PRKN: variants seen among roughly 807,000 people sequenced by gnomAD.
PRKN encodes parkin RBR E3 ubiquitin protein ligase.
A neutral mutation model predicts 59.5 loss-of-function variants in PRKN; 56 were observed. The ratio of observed to expected loss-of-function variants is 0.94; its 90% CI spans 0.76 to 1.18. PRKN has a LOEUF of 1.18. Among genes scored for constraint, PRKN ranks in the 50% most tolerant of loss-of-function variants. The pLI is 0.00. For synonymous variants in PRKN, 250 were observed against 222.1 expected (o/e 1.13, Z -1.12); for missense variants, 657 against 596.4 (o/e 1.10, Z -1.06).
chr6:162,263,569 CTT>C (rs1045319321), intron 2 of PRKN, among the ~76,000 whole-genome samples: 34 of 152,136 alleles, frequency 2.2e-4, no homozygotes, highest in Admixed American at 2.2e-3. Flanking sequence ...GAACAGAAGA[CTT>C]TAACATTTTG....
chr6:162,539,071 G>A (rs915872150), intron 1 of PRKN, among the ~76,000 whole-genome samples: 2 of 152,134 alleles, frequency 1.3e-5, no homozygotes, highest in South Asian at 4.1e-4. Context: ...CTAAACAGGA[G>A]CATCAGTAAA....
At chr6:161,827,748 TC>T (rs1792307218) in intron 6 of PRKN, among the ~76,000 whole-genome samples, 1 of 152,158 alleles carries the variant, frequency 6.6e-6, no homozygotes, top group Non-Finnish European at 1.5e-5. Context: ...CCTTAGGTGA[TC>T]CACCCACCTT....
chr6:162,542,701 A>T (rs1778971222), intron 1 of PRKN, among the ~76,000 whole-genome samples: 1 of 152,188 alleles, frequency 6.6e-6, no homozygotes, highest in Non-Finnish European at 1.5e-5. Flanking sequence ...GTGAGAAAAT[A>T]AGTGCAATGC....
At chr6:162,209,321 G>C (rs974426127) in intron 3 of PRKN, among the ~76,000 whole-genome samples, 1 of 152,132 alleles carries the variant, frequency 6.6e-6, no homozygotes, top group Non-Finnish European at 1.5e-5. Flanking sequence ...CCATAGAACA[G>C]ACAGCTATGC....
At chr6:162,648,495 C>T (rs753934159) in intron 1 of PRKN, among the ~76,000 whole-genome samples, 2 of 151,892 alleles carry the variant, frequency 1.3e-5, no homozygotes, top group Admixed American at 6.6e-5. Flanking sequence ...GATTCTCCTG[C>T]CTCAGCCTCC....
intron 7 of PRKN, among the ~76,000 whole-genome samples, chr6:161,729,484 T>C (rs1441657911): frequency 6.6e-6 from 1 of 152,224 alleles, no homozygotes; most frequent in African/African-American, 2.4e-5. Flanking sequence ...TGTCTTCAGG[T>C]AGAGGAATAA....
At chr6:162,604,908 C>T (rs1781850213) in intron 1 of PRKN, among the ~76,000 whole-genome samples, 1 of 152,116 alleles carries the variant, frequency 6.6e-6, no homozygotes, top group East Asian at 1.9e-4. Context: ...ACCCAGGCAG[C>T]ACTTCACTTC....
chr6:162,557,546 C>G (rs1393336876), intron 1 of PRKN, among the ~76,000 whole-genome samples: 1 of 152,174 alleles, frequency 6.6e-6, no homozygotes, highest in African/African-American at 2.4e-5. Context: ...TAGAGTCTTG[C>G]TCTGTCTCCC....
At chr6:162,039,482 T>C (rs529336887) in intron 5 of PRKN, among the ~76,000 whole-genome samples, 133 of 152,240 alleles carry the variant, frequency 8.7e-4, no homozygotes, top group African/African-American at 3.2e-3. Context: ...TGAGAACTGG[T>C]TGTTGAAAGG....
intron 4 of PRKN, among the ~76,000 whole-genome samples, chr6:162,198,528 C>A (rs1448868175): frequency 6.6e-6 from 1 of 151,772 alleles, no homozygotes; most frequent in Admixed American, 6.6e-5. Flanking sequence ...TTTTACATTT[C>A]TAAATATTTA....
At chr6:162,372,581 A>T (rs893581236) in intron 2 of PRKN, among the ~76,000 whole-genome samples, 3 of 152,112 alleles carry the variant, frequency 2.0e-5, no homozygotes, top group African/African-American at 7.2e-5. Flanking sequence ...GGGAGGAGGG[A>T]GGGTTGAAAA....
In PRKN at chr6:161,938,633, C is replaced by T. The variant is rs148508627; in HGVS notation, c.734+34669G>A. Among the ~76,000 whole-genome samples the T allele has an allele frequency of 3.9e-3, 589 of 152,204 alleles. 4 individuals are homozygous for T. Among genetic ancestry groups the T allele is most frequent in the African/African-American group, 0.014 (564 of 41,528 alleles). ...GAAAGTAAGAAGAAATTTTGAAGGA[C>T]GTTGAAACGAAAGAAACAAGATGAG... On this transcript the variant is annotated intron_variant, in intron 6 of 11. Coordinates refer to ENST00000366898, the MANE Select transcript of PRKN (RefSeq NM_004562.3).
At chr6:161,704,302 C>T (rs1047332935) in intron 7 of PRKN, among the ~76,000 whole-genome samples, 3 of 152,122 alleles carry the variant, frequency 2.0e-5, no homozygotes, top group Non-Finnish European at 4.4e-5. Context: ...ATTTTCCCCC[C>T]ATGAATCAGA....
At chr6:161,443,599 T>C (rs9458258) in intron 9 of PRKN, among the ~76,000 whole-genome samples, 1 of 152,036 alleles carries the variant, frequency 6.6e-6, no homozygotes, top group Non-Finnish European at 1.5e-5. Context: ...AAATTATTAA[T>C]GGTAAATAGA....
At chr6:162,672,105 T>A (rs553964134) in intron 1 of PRKN, among the ~76,000 whole-genome samples, 3 of 152,132 alleles carry the variant, frequency 2.0e-5, no homozygotes, top group Admixed American at 2.0e-4. Context: ...CCAGATAATA[T>A]AGAATTAACC....
chr6:162,320,072 T>C (rs1782925271), intron 2 of PRKN, among the ~76,000 whole-genome samples: 1 of 151,894 alleles, frequency 6.6e-6, no homozygotes, highest in Non-Finnish European at 1.5e-5. Flanking sequence ...TATTTGTCTT[T>C]CTCTATCTGA....
intron 1 of PRKN, among the ~76,000 whole-genome samples, chr6:162,627,536 C>T (rs1782943707): frequency 6.6e-6 from 1 of 151,850 alleles, no homozygotes; most frequent in African/African-American, 2.4e-5. Context: ...AGGAAGGTAA[C>T]TGGAGTTGGA....
chr6:161,563,898 G>T (rs1472291415), intron 8 of PRKN, among the ~76,000 whole-genome samples: 1 of 152,120 alleles, frequency 6.6e-6, no homozygotes, highest in Non-Finnish European at 1.5e-5. Flanking sequence ...AATATAAACA[G>T]CATTTAAAAT....
rs6937830 is a variant in PRKN at position 162,365,014 on chromosome 6, A to T, written c.171+78296T>A. ...TTTTTTTGCCAATATGTAGTGTGGGATTTTCTTTGGCTAAAAACTGTTCCA... is the reference window on the plus strand; with the variant it reads ...TTTTTTTGCCAATATGTAGTGTGGGTTTTTCTTTGGCTAAAAACTGTTCCA... On this transcript the variant is annotated intron_variant, in intron 2 of 11. Coordinates refer to ENST00000366898, the MANE Select transcript of PRKN (RefSeq NM_004562.3). 9.2e-3 allele frequency among the ~76,000 whole-genome samples: 1,075 copies of T among 116,246 alleles called. 4 individuals carry two copies. The highest frequency in any genetic ancestry group is 0.025 in the African/African-American group (758 of 30,018). 76.3% of individuals were successfully genotyped at this position (116,246 alleles called of 152,430 possible).
Sources: allele counts gnomAD v4.1 joint callset (sites outside exome capture counted in the v4.1 genomes callset), GRCh38; gene constraint gnomAD v4.1.1; transcripts MANE v1.5; gene names NCBI Gene and HGNC (gene_info 2026-07-23, HGNC 2026-07-21).